The following CADPS variants were observed in gnomAD, a reference collection of about 807,000 sequenced individuals.
The protein encoded by CADPS is calcium dependent secretion activator.
A neutral mutation model predicts 167.3 loss-of-function variants in CADPS; 57 were observed. The observed-to-expected ratio is 0.34, with a 90% confidence interval of 0.28 to 0.42. CADPS has a LOEUF of 0.42. Ranked by LOEUF, CADPS falls within the 20% of genes least tolerant of loss-of-function variation. CADPS has a pLI of 1.00. For synonymous variants in CADPS, 676 were observed against 635.3 expected (o/e 1.06, Z -0.96); for missense variants, 1,414 against 1,738.1 (o/e 0.81, Z 3.32).
At chr3:62,705,407 C>A (rs13087901) in intron 3 of CADPS, among the ~76,000 whole-genome samples, 10 of 151,982 alleles carry the variant, frequency 6.6e-5, no homozygotes, top group African/African-American at 2.2e-4. Flanking sequence ...ATCCCAGGTG[C>A]GATGGTTAAT....
At chr3:62,673,299 T>C (rs1331094579) in intron 3 of CADPS, among the ~76,000 whole-genome samples, 3 of 152,340 alleles carry the variant, frequency 2.0e-5, no homozygotes, top group Middle Eastern at 3.4e-3. Flanking sequence ...TGACACTTAA[T>C]AGGTGCTCAA....
chr3:62,843,045 T>C (rs1012115286), intron 1 of CADPS, among the ~76,000 whole-genome samples: 1 of 150,642 alleles, frequency 6.6e-6, no homozygotes, highest in Admixed American at 6.7e-5. Context: ...TCAAATTTAG[T>C]GGCACTATCA....
intron 3 of CADPS, among the ~76,000 whole-genome samples, chr3:62,675,252 A>C (rs1466471886): frequency 6.6e-6 from 1 of 151,448 alleles, no homozygotes; most frequent in African/African-American, 2.4e-5. Flanking sequence ...CCTAGCTGCA[A>C]AGAAAGTTAG....
At chr3:62,617,624 G>T (rs2062528667) in intron 6 of CADPS, among the ~76,000 whole-genome samples, 1 of 152,092 alleles carries the variant, frequency 6.6e-6, no homozygotes, top group Non-Finnish European at 1.5e-5. Context: ...AGGGGCTAAG[G>T]ATCATATAAT....
At chr3:62,558,444 T>C (rs1261453339) in intron 9 of CADPS, among the ~76,000 whole-genome samples, 1 of 152,234 alleles carries the variant, frequency 6.6e-6, no homozygotes, top group Non-Finnish European at 1.5e-5. Flanking sequence ...TTGGGCTAAA[T>C]GCTCTCAGGC....
At chr3:62,623,169 T>A (rs888512548) in intron 6 of CADPS, among the ~76,000 whole-genome samples, 8 of 152,150 alleles carry the variant, frequency 5.3e-5, no homozygotes, top group Admixed American at 3.9e-4. Flanking sequence ...TGGGAGTAAG[T>A]CCCACATGTG....
intron 11 of CADPS, among the ~76,000 whole-genome samples, chr3:62,545,493 A>G (rs2076315330): frequency 6.6e-6 from 1 of 152,198 alleles, no homozygotes; most frequent in Non-Finnish European, 1.5e-5. Context: ...AAAAAAGAAA[A>G]AAATTAAATC....
chr3:62,654,668 CA>C (rs2071081029), intron 4 of CADPS, among the ~76,000 whole-genome samples: 1 of 152,086 alleles, frequency 6.6e-6, no homozygotes, highest in Admixed American at 6.6e-5. Context: ...TGTCACGGAA[CA>C]AAGGTTACAT....
rs1173257147 is a variant in CADPS at position 62,874,571 on chromosome 3, C to G, written c.441+18G>C. 6.5e-7 allele frequency: 1 copy of G among 1,536,136 alleles called. No individual in the cohort carries two copies. Among genetic ancestry groups the G allele is most frequent in the African/African-American group, 1.4e-5 (1 of 71,980 alleles). On this transcript the variant is annotated intron_variant, in intron 1 of 29. Coordinates refer to ENST00000383710, the MANE Select transcript of CADPS (RefSeq NM_003716.4). This position sits in a 1 kb window ranked among gnomAD's most constrained non-coding sequence, Gnocchi z 7.1. ...CGACGTCCGGGTGCTGCTCCCTGGG[C>G]CTCCCAGGCGCACCTACCTTCTGCT...
In CADPS at chr3:62,544,547, G is replaced by A. The variant is rs893351637; in HGVS notation, c.1966+5356C>T. Among the ~76,000 whole-genome samples, 15 of 152,170 alleles carry A rather than the reference G, an allele frequency of 9.9e-5. No homozygotes were observed. The highest frequency in any genetic ancestry group is 3.6e-4 in the African/African-American group (15 of 41,544). On this transcript the variant is annotated intron_variant, in intron 11 of 29. Coordinates refer to ENST00000383710, the MANE Select transcript of CADPS (RefSeq NM_003716.4). This position sits in a 1 kb window ranked among gnomAD's most constrained non-coding sequence, Gnocchi z 4.4. Reference sequence around the variant, plus strand: ...CAAAGGCATTATTTGCCATTTTGTTGTGATGTTAATTAATATTCTTGGAAT... The same window carrying A: ...CAAAGGCATTATTTGCCATTTTGTTATGATGTTAATTAATATTCTTGGAAT...
chr3:62,867,818 T>G (rs997673235), intron 1 of CADPS, among the ~76,000 whole-genome samples: 20 of 152,204 alleles, frequency 1.3e-4, no homozygotes, highest in South Asian at 1.0e-3. Context: ...CTTTACTATA[T>G]TATCTCAATT....
chr3:62,636,253 G>A (rs2066280368), intron 6 of CADPS, among the ~76,000 whole-genome samples: 1 of 152,312 alleles, frequency 6.6e-6, no homozygotes, highest in African/African-American at 2.4e-5. Flanking sequence ...CCATAACAAT[G>A]ACAGTGGCAC....
intron 3 of CADPS, among the ~76,000 whole-genome samples, chr3:62,735,862 ATGAAAT>A (rs1368045793): frequency 3.3e-5 from 5 of 152,188 alleles, no homozygotes; most frequent in African/African-American, 1.2e-4. Flanking sequence ...TGATAGTGTA[ATGAAAT>A]TGAAGAACTA....
chr3:62,867,355 A>G (rs1251520558), intron 1 of CADPS, among the ~76,000 whole-genome samples: 1 of 152,052 alleles, frequency 6.6e-6, no homozygotes, highest in African/African-American at 2.4e-5. Flanking sequence ...TCTTCTGATA[A>G]GCTTGTGGCA....
chr3:62,671,590 C>T (rs1418409586), intron 3 of CADPS, among the ~76,000 whole-genome samples: 1 of 152,134 alleles, frequency 6.6e-6, no homozygotes, highest in Non-Finnish European at 1.5e-5. Flanking sequence ...TCTCCATCCT[C>T]AACCACCGAT....
chr3:62,713,321 G>C (rs905168278), intron 3 of CADPS, among the ~76,000 whole-genome samples: 2 of 152,076 alleles, frequency 1.3e-5, no homozygotes, highest in Non-Finnish European at 2.9e-5. Context: ...GTAGGAGGTG[G>C]GGCTCAGGGT....
At chr3:62,400,722 C>T (rs1705710472) in intron 29 of CADPS, among the ~76,000 whole-genome samples, 1 of 151,518 alleles carries the variant, frequency 6.6e-6, no homozygotes, top group Non-Finnish European at 1.5e-5. Context: ...GCCTCAGCCT[C>T]CTGAGTAGCT....
intron 6 of CADPS, among the ~76,000 whole-genome samples, chr3:62,595,873 A>AGG (rs1305570895): frequency 3.3e-5 from 5 of 152,092 alleles, no homozygotes; most frequent in Non-Finnish European, 7.4e-5. Flanking sequence ...AAGCAGGCAG[A>AGG]AAAACGTGAA....
intron 5 of CADPS, among the ~76,000 whole-genome samples, chr3:62,646,426 C>A (rs2068607204): frequency 6.6e-6 from 1 of 152,086 alleles, no homozygotes; most frequent in East Asian, 1.9e-4. Flanking sequence ...CCCGCCTCAG[C>A]CTCCTGAAGT....
Sources: allele counts gnomAD v4.1 joint callset (sites outside exome capture counted in the v4.1 genomes callset), GRCh38; gene constraint gnomAD v4.1.1; non-coding constraint Gnocchi (gnomAD v3.1); transcripts MANE v1.5; gene names NCBI Gene and HGNC (gene_info 2026-07-23, HGNC 2026-07-21).